Variants in NUBPL observed in about 807,000 individuals in gnomAD.
The protein encoded by NUBPL is iron-sulfur cluster transfer protein NUBPL.
Under a neutral mutation model 45.7 loss-of-function variants are expected in NUBPL, and 31 were observed. That is an observed-to-expected ratio of 0.68 (90% CI 0.51 to 0.92). The LOEUF (loss-of-function observed/expected upper bound fraction) is 0.92, where lower values mean the gene tolerates loss of function less well. NUBPL is among the 40% of genes least tolerant of loss of function. NUBPL has a pLI of 0.00. For synonymous variants in NUBPL, 144 were observed against 140.9 expected (o/e 1.02, Z -0.15); for missense variants, 401 against 398.7 (o/e 1.01, Z -0.05).
chr14:31,852,651 A>G (rs1164095179), intron 10 of NUBPL, among the ~76,000 whole-genome samples: 2 of 152,238 alleles, frequency 1.3e-5, no homozygotes, highest in Non-Finnish European at 2.9e-5. Flanking sequence ...AGCCTGGGCA[A>G]AAAGAGCAAA....
chr14:31,608,737 C>G (rs1010858716), intron 4 of NUBPL, among the ~76,000 whole-genome samples: 1 of 152,124 alleles, frequency 6.6e-6, no homozygotes, highest in Admixed American at 6.6e-5. Flanking sequence ...GAATCTAATG[C>G]TGCCACTGAT....
rs7152263 is a variant in NUBPL, at chr14:31,706,843, C to T, written c.513+33269C>T. 6.5e-3 allele frequency among the ~76,000 whole-genome samples: 989 copies of T among 152,228 alleles called. 10 individuals are homozygous for T. Among genetic ancestry groups the T allele is most frequent in the African/African-American group, 0.022 (927 of 41,524 alleles). Reference sequence around the variant, plus strand: ...TAGTAAACCTTACTTTAGTTGAAAACCTTGTAAGTTTGGGATTTTAGTTTT... The same window carrying T: ...TAGTAAACCTTACTTTAGTTGAAAATCTTGTAAGTTTGGGATTTTAGTTTT... On this transcript the variant is annotated intron_variant, in intron 6 of 10. Coordinates refer to ENST00000281081, the MANE Select transcript of NUBPL (RefSeq NM_025152.3).
intron 3 of NUBPL, among the ~76,000 whole-genome samples, chr14:31,593,020 C>T (rs926233361): frequency 6.6e-6 from 1 of 151,966 alleles, no homozygotes; most frequent in African/African-American, 2.4e-5. Flanking sequence ...ATTTAACCAA[C>T]TGTGGATCAA....
chr14:31,614,940 T>G (rs2139611511), intron 4 of NUBPL, among the ~76,000 whole-genome samples: 1 of 152,308 alleles, frequency 6.6e-6, no homozygotes, highest in Non-Finnish European at 1.5e-5. Flanking sequence ...GGCTAAACTT[T>G]GCAAAGTAGA....
chr14:31,758,116 A>G (rs2038713283), intron 6 of NUBPL, among the ~76,000 whole-genome samples: 1 of 152,096 alleles, frequency 6.6e-6, no homozygotes, highest in African/African-American at 2.4e-5. Context: ...GTCTCCTTTT[A>G]TATTTATTGA....
chr14:31,650,544 C>A (rs1454419260), intron 4 of NUBPL, among the ~76,000 whole-genome samples: 1 of 152,178 alleles, frequency 6.6e-6, no homozygotes, highest in Non-Finnish European at 1.5e-5. Context: ...CCATGTCGGC[C>A]TCCCAAAGTG....
intron 6 of NUBPL, chr14:31,771,879 TGG>T: frequency 2.0e-6 from 2 of 985,262 alleles, no homozygotes; most frequent in Non-Finnish European, 2.4e-6. Context: ...GGCAGGTAGG[TGG>T]AACTGAGGAA....
At chr14:31,673,006 A>T (rs2036607980) in intron 4 of NUBPL, among the ~76,000 whole-genome samples, 2 of 152,310 alleles carry the variant, frequency 1.3e-5, no homozygotes, top group South Asian at 4.2e-4. Flanking sequence ...TTTCAGTTAG[A>T]CAGGGGGAAT....
At chr14:31,561,929 A>G in intron 1 of NUBPL, 139 bp from the exon 2 acceptor site, 2 of 805,056 alleles carry the variant, frequency 2.5e-6, no homozygotes, top group South Asian at 3.3e-5. Context: ...GTAGTAGGTA[A>G]ATGTCTCCAT....
intron 8 of NUBPL, among the ~76,000 whole-genome samples, chr14:31,839,336 C>CA (rs2040332936): frequency 6.6e-6 from 1 of 152,152 alleles, no homozygotes; most frequent in Non-Finnish European, 1.5e-5. Flanking sequence ...TGATTTTTGA[C>CA]AGAGGTGCCA....
intron 6 of NUBPL, among the ~76,000 whole-genome samples, chr14:31,733,209 A>G (rs1014999355): frequency 1.3e-5 from 2 of 152,232 alleles, no homozygotes; most frequent in African/African-American, 2.4e-5. Flanking sequence ...ATAGATAGAT[A>G]TCCCTCGTAT....
intron 6 of NUBPL, among the ~76,000 whole-genome samples, chr14:31,751,207 T>C (rs1486272803): frequency 6.6e-6 from 1 of 152,222 alleles, no homozygotes; most frequent in Non-Finnish European, 1.5e-5. Flanking sequence ...AAATCTCATG[T>C]CCTTTTCACA....
chr14:31,677,432 T>C (rs1298325396), intron 6 of NUBPL, among the ~76,000 whole-genome samples: 2 of 152,072 alleles, frequency 1.3e-5, no homozygotes, highest in African/African-American at 4.8e-5. Flanking sequence ...AGTGAGAACA[T>C]GTGATGTTTA....
chr14:31,799,310 T>G (rs533212486), intron 7 of NUBPL, among the ~76,000 whole-genome samples: 1 of 152,274 alleles, frequency 6.6e-6, no homozygotes, highest in East Asian at 1.9e-4. Context: ...ATATTTACAT[T>G]CATTATCTTA....
intron 3 of NUBPL, among the ~76,000 whole-genome samples, chr14:31,596,299 A>C (rs1449903236): frequency 2.6e-5 from 4 of 152,168 alleles, no homozygotes; most frequent in Non-Finnish European, 5.9e-5. Flanking sequence ...TTAATTTTTA[A>C]AATCTAGCCA....
At chr14:31,638,770 T>G (rs1234007055) in intron 4 of NUBPL, among the ~76,000 whole-genome samples, 1 of 152,220 alleles carries the variant, frequency 6.6e-6, no homozygotes, top group South Asian at 2.1e-4. Flanking sequence ...CCATATCTCT[T>G]GAAGGCTTTG....
At chr14:31,686,411 G>T (rs2153560) in intron 6 of NUBPL, among the ~76,000 whole-genome samples, 44,672 of 152,010 alleles carry the variant, frequency 0.29, 7,438 homozygotes, top group South Asian at 0.41. Flanking sequence ...AGAAGAAAAG[G>T]TGTGAAAAGT....
intron 6 of NUBPL, among the ~76,000 whole-genome samples, chr14:31,780,596 C>T (rs541261044): frequency 1.8e-4 from 27 of 151,708 alleles, no homozygotes; most frequent in Non-Finnish European, 3.5e-4. Context: ...TATGACTTAA[C>T]GATTAAGACT....
At chr14:31,724,827 T>C (rs751085680) in intron 6 of NUBPL, among the ~76,000 whole-genome samples, 1 of 152,080 alleles carries the variant, frequency 6.6e-6, no homozygotes, top group Non-Finnish European at 1.5e-5. Context: ...TAATGATCCA[T>C]GCTTTGGAAA....
Sources: allele counts gnomAD v4.1 joint callset (sites outside exome capture counted in the v4.1 genomes callset), GRCh38; gene constraint gnomAD v4.1.1; transcripts MANE v1.5; gene names NCBI Gene and HGNC (gene_info 2026-07-23, HGNC 2026-07-21).